Variants in SH3PXD2A observed in about 807,000 individuals in gnomAD.
The protein encoded by SH3PXD2A is SH3 and PX domain-containing protein 2A.
In SH3PXD2A, 32 loss-of-function variants were observed where a neutral mutation model predicts 115.2. The observed-to-expected ratio is 0.28, with a 90% CI of 0.21 to 0.37. The LOEUF (loss-of-function observed/expected upper bound fraction) is 0.37, where lower values mean the gene tolerates loss of function less well. SH3PXD2A is among the 10% of genes least tolerant of loss of function. The pLI, the probability that SH3PXD2A is intolerant of heterozygous loss-of-function variation, is 1.00. For missense variants in SH3PXD2A, 1,328 were observed against 1,498.7 expected (o/e 0.89, Z 1.88); for synonymous variants, 610 against 629.1 (o/e 0.97, Z 0.45).
chr10:103,607,561 C>T (rs867150453), intron 13 of SH3PXD2A, among the ~76,000 whole-genome samples: 10 of 149,452 alleles, frequency 6.7e-5, no homozygotes, highest in Non-Finnish European at 8.9e-5. Flanking sequence ...CCAGCCGCCC[C>T]GTCCGGGAGG....
intron 10 of SH3PXD2A, among the ~76,000 whole-genome samples, chr10:103,619,796 A>G (rs1462847657): frequency 6.6e-6 from 1 of 152,208 alleles, no homozygotes; most frequent in African/African-American, 2.4e-5. Flanking sequence ...GCAACCACAG[A>G]TGTCCAGGAG....
intron 8 of SH3PXD2A, among the ~76,000 whole-genome samples, chr10:103,659,833 C>G (rs544416999): frequency 6.6e-6 from 1 of 152,286 alleles, no homozygotes; most frequent in South Asian, 2.1e-4. Flanking sequence ...GGAGCCTGCA[C>G]CCACCTCCCC....
At chr10:103,702,395 CTG>C (rs2037925331) in intron 5 of SH3PXD2A, among the ~76,000 whole-genome samples, 1 of 152,204 alleles carries the variant, frequency 6.6e-6, no homozygotes, top group Non-Finnish European at 1.5e-5. Context: ...AAAGGAAACA[CTG>C]TATAGAAATT....
chr10:103,659,939 G>A (rs1043613024), intron 8 of SH3PXD2A, among the ~76,000 whole-genome samples: 1 of 152,094 alleles, frequency 6.6e-6, no homozygotes, highest in Admixed American at 6.5e-5. Context: ...TCCCTTCCCC[G>A]CAACCTCCCT....
intron 2 of SH3PXD2A, among the ~76,000 whole-genome samples, chr10:103,796,581 C>T (rs6584571): frequency 0.64 from 96,533 of 151,676 alleles, 31,652 homozygotes; most frequent in East Asian, 0.96. Flanking sequence ...CAGGAAGAGA[C>T]CTTGTCCTTC....
chr10:103,681,544 G>GATCT (rs1564862337), intron 6 of SH3PXD2A, among the ~76,000 whole-genome samples: 1 of 152,256 alleles, frequency 6.6e-6, no homozygotes, highest in South Asian at 2.1e-4. Context: ...AAGGCAGGAG[G>GATCT]ATCTGCCTGG....
intron 6 of SH3PXD2A, among the ~76,000 whole-genome samples, chr10:103,676,080 C>T (rs1030530760): frequency 3.3e-5 from 5 of 152,116 alleles, no homozygotes; most frequent in African/African-American, 1.2e-4. Flanking sequence ...TTTCCCAAGG[C>T]CCTACAGCAA....
chr10:103,760,729 T>C (rs904151778), intron 3 of SH3PXD2A, among the ~76,000 whole-genome samples: 4 of 152,082 alleles, frequency 2.6e-5, no homozygotes, highest in Non-Finnish European at 2.9e-5. Context: ...ATGTTTTTTG[T>C]TTGTTCGTTT....
At chr10:103,719,721 C>CTTTTTTTTTTTTTTTTTTTTTTT (rs11438501) in intron 5 of SH3PXD2A, among the ~76,000 whole-genome samples, 3 of 114,716 alleles carry the variant, frequency 2.6e-5, no homozygotes, top group African/African-American at 3.5e-5. Flanking sequence ...TTTTTTCTTT[C>CTTTTTTTTTTTTTTTTTTTTTTT]TTTTTTTTTT....
At chr10:103,791,394 A>T (rs754156033) in intron 2 of SH3PXD2A, among the ~76,000 whole-genome samples, 2 of 152,236 alleles carry the variant, frequency 1.3e-5, no homozygotes, top group Non-Finnish European at 2.9e-5. Context: ...TCACAGAGCG[A>T]GTCCTCAACT....
chr10:103,622,649 C>CA, intron 9 of SH3PXD2A, 96 bp from the exon 10 acceptor site: 4 of 600,282 alleles, frequency 6.7e-6, no homozygotes, highest in Non-Finnish European at 1.2e-5. Flanking sequence ...GAGGAAGGGG[C>CA]ACAGGGAGGG....
chr10:103,750,130 G>A (rs1037737857), intron 3 of SH3PXD2A, among the ~76,000 whole-genome samples: 5 of 152,120 alleles, frequency 3.3e-5, no homozygotes, highest in Non-Finnish European at 7.4e-5. Context: ...TTGGCTCACT[G>A]TAGCCTCGAC....
At chr10:103,854,487 G>T (rs751266500) in intron 1 of SH3PXD2A, among the ~76,000 whole-genome samples, 17 of 152,166 alleles carry the variant, frequency 1.1e-4, no homozygotes, top group Non-Finnish European at 1.9e-4. Context: ...GGGGGAGGAA[G>T]GGGGAGGGGC....
intron 3 of SH3PXD2A, among the ~76,000 whole-genome samples, chr10:103,748,976 T>TA (rs1447060862): frequency 1.5e-5 from 2 of 137,708 alleles, no homozygotes; most frequent in Admixed American, 7.1e-5. Context: ...TTCTTCTTTC[T>TA]TTTTTTTTTT....
At chr10:103,694,241 C>A (rs1328733187) in intron 5 of SH3PXD2A, among the ~76,000 whole-genome samples, 1 of 136,816 alleles carries the variant, frequency 7.3e-6, no homozygotes, top group East Asian at 2.5e-4. Flanking sequence ...TTGGTCGAAG[C>A]AAACTAGCCC....
chr10:103,631,645 G>C (rs2036781570), intron 8 of SH3PXD2A, among the ~76,000 whole-genome samples: 1 of 152,208 alleles, frequency 6.6e-6, no homozygotes, highest in Admixed American at 6.5e-5. Context: ...GACCTCAGGA[G>C]GGAAGGACGG....
At chr10:103,644,114 CAAA>C (rs71019685) in intron 8 of SH3PXD2A, among the ~76,000 whole-genome samples, 9,771 of 72,664 alleles carry the variant, frequency 0.13, 362 homozygotes, top group South Asian at 0.28. Flanking sequence ...GGCTCCATCC[CAAA>C]AAAAAAAAAA....
intron 7 of SH3PXD2A, among the ~76,000 whole-genome samples, chr10:103,664,645 C>T (rs2037359586): frequency 1.3e-5 from 2 of 150,448 alleles, no homozygotes; most frequent in Non-Finnish European, 2.9e-5. Flanking sequence ...TTAATAAAGA[C>T]TAGAGTATGG....
chr10:103,789,621 T>C (rs1213326006), intron 2 of SH3PXD2A, among the ~76,000 whole-genome samples: 1 of 152,194 alleles, frequency 6.6e-6, no homozygotes, highest in African/African-American at 2.4e-5. Context: ...AGGGGGGCAC[T>C]GTCACCCAAC....
Sources: allele counts gnomAD v4.1 joint callset (sites outside exome capture counted in the v4.1 genomes callset), GRCh38; gene constraint gnomAD v4.1.1; transcripts MANE v1.5; gene names NCBI Gene and HGNC (gene_info 2026-07-23, HGNC 2026-07-21).